GRM5: variants seen among roughly 807,000 people sequenced by gnomAD.
GRM5 encodes the protein metabotropic glutamate receptor 5.
Under a neutral mutation model 83.1 loss-of-function variants are expected in GRM5, and 19 were observed. The ratio of observed to expected loss-of-function variants is 0.23; its 90% CI spans 0.16 to 0.34. The LOEUF is 0.34. Among genes scored for constraint, GRM5 ranks in the 10% least tolerant of loss-of-function variants. The pLI is 1.00. For synonymous variants in GRM5, 675 were observed against 633.6 expected, an observed-to-expected ratio of 1.07 and a Z score of -0.98; for missense variants, 1,160 against 1,588.3, an observed-to-expected ratio of 0.73 and a Z score of 4.58.
intron 3 of GRM5, among the ~76,000 whole-genome samples, chr11:88,715,217 A>G (rs1001217303): frequency 6.6e-6 from 1 of 151,990 alleles, no homozygotes; most frequent in Non-Finnish European, 1.5e-5. Flanking sequence ...AGTATTTGTG[A>G]AAAAGAGTAA....
intron 2 of GRM5, among the ~76,000 whole-genome samples, chr11:88,966,615 C>T (rs1395948257): frequency 1.3e-5 from 2 of 152,034 alleles, no homozygotes; most frequent in African/African-American, 4.8e-5. Context: ...TATACTGTTC[C>T]TACTCTACTG....
intron 2 of GRM5, among the ~76,000 whole-genome samples, chr11:88,941,232 G>A (rs1938078026): frequency 6.6e-6 from 1 of 151,584 alleles, no homozygotes; most frequent in South Asian, 2.1e-4. Flanking sequence ...AAGTCTAATG[G>A]GGACATGTGA....
chr11:88,870,186 T>C (rs1001345365), intron 2 of GRM5, among the ~76,000 whole-genome samples: 13 of 151,402 alleles, frequency 8.6e-5, no homozygotes, highest in African/African-American at 3.1e-4. Context: ...TCATTAGATT[T>C]TTCTGAATCA....
chr11:88,719,948 T>C (rs972437742), intron 3 of GRM5, among the ~76,000 whole-genome samples: 2 of 152,114 alleles, frequency 1.3e-5, no homozygotes, highest in African/African-American at 2.4e-5. Flanking sequence ...AGGTTCCTTA[T>C]AGATACTGGG....
chr11:88,612,283 C>T (rs1027351567), intron 4 of GRM5, among the ~76,000 whole-genome samples: 5 of 150,364 alleles, frequency 3.3e-5, no homozygotes, highest in African/African-American at 1.2e-4. Context: ...CATGTCCCTA[C>T]AAAGGACATG....
At chr11:88,989,581 C>G (rs1279047215) in intron 2 of GRM5, among the ~76,000 whole-genome samples, 1 of 138,378 alleles carries the variant, frequency 7.2e-6, no homozygotes, top group Non-Finnish European at 1.5e-5. Context: ...CCACACCACA[C>G]CTATTCCAAA....
At chr11:88,849,156 TACAC>T (rs967098310) in intron 3 of GRM5, among the ~76,000 whole-genome samples, 1 of 151,832 alleles carries the variant, frequency 6.6e-6, no homozygotes, top group Non-Finnish European at 1.5e-5. Context: ...TATATATATA[TACAC>T]ACACACATAT....
intron 3 of GRM5, among the ~76,000 whole-genome samples, chr11:88,741,484 A>G (rs558845383): frequency 2.2e-4 from 34 of 152,220 alleles, no homozygotes; most frequent in African/African-American, 7.9e-4. Flanking sequence ...CAACTCAAAA[A>G]CTGTAAATAT....
Position 89,065,934 on chromosome 11 carries a change from C to T in GRM5, c.-359G>A, listed in dbSNP as rs577108068. Reference sequence around the variant, plus strand: ...CTGCGGGGCCCGCGGCGGTGGCGCTCGCTCTCTCGCGCCAGCGCCGGGAGC... The same window carrying T: ...CTGCGGGGCCCGCGGCGGTGGCGCTTGCTCTCTCGCGCCAGCGCCGGGAGC... On this transcript the variant is annotated 5_prime_UTR_variant, in exon 1 of 10. Transcript: ENST00000305447. 1 of 152,224 alleles carries T rather than the reference C, an allele frequency of 6.6e-6. No individual in the cohort carries two copies. Among genetic ancestry groups the T allele is most frequent in the South Asian group, 2.1e-4 (1 of 4,826 alleles). The allele number at this position is 152,224 out of a possible 1,614,324, so 9.4% of individuals were successfully genotyped here.
chr11:88,970,626 C>T (rs1051034970), intron 2 of GRM5, among the ~76,000 whole-genome samples: 3 of 152,126 alleles, frequency 2.0e-5, no homozygotes, highest in African/African-American at 7.2e-5. Flanking sequence ...GTAGGCATGC[C>T]CAGTGGGGAC....
At chr11:88,727,777 G>A (rs1941715926) in intron 3 of GRM5, among the ~76,000 whole-genome samples, 1 of 152,184 alleles carries the variant, frequency 6.6e-6, no homozygotes, top group Admixed American at 6.6e-5. Flanking sequence ...GCTCCTGAAT[G>A]ACTACTGAGT....
chr11:88,534,634 T>A (rs1269642400), intron 8 of GRM5, among the ~76,000 whole-genome samples: 1 of 152,200 alleles, frequency 6.6e-6, no homozygotes, highest in Non-Finnish European at 1.5e-5. Context: ...GACTTTGGAC[T>A]GTGCACTTTT....
chr11:88,562,394 C>A (rs777111388), intron 8 of GRM5, among the ~76,000 whole-genome samples: 3 of 152,066 alleles, frequency 2.0e-5, no homozygotes, highest in Non-Finnish European at 4.4e-5. Context: ...AGTCATGAAA[C>A]AATAGGCAAG....
At chr11:88,737,896 T>C (rs1941952760) in intron 3 of GRM5, among the ~76,000 whole-genome samples, 1 of 152,044 alleles carries the variant, frequency 6.6e-6, no homozygotes, top group Non-Finnish European at 1.5e-5. Context: ...TGAGAGCAGT[T>C]ATACAATCCT....
At chr11:88,933,111 C>T (rs1474086478) in intron 2 of GRM5, among the ~76,000 whole-genome samples, 1 of 149,934 alleles carries the variant, frequency 6.7e-6, no homozygotes, top group Non-Finnish European at 1.5e-5. Context: ...ATATTACTTT[C>T]TATCTTTTAA....
chr11:89,055,219 T>A (rs190298949), intron 1 of GRM5, among the ~76,000 whole-genome samples: 1 of 152,230 alleles, frequency 6.6e-6, no homozygotes, highest in Non-Finnish European at 1.5e-5. Context: ...TGAATTGGAA[T>A]CCTGGCACAG....
At chr11:88,728,832 T>C (rs1941741258) in intron 3 of GRM5, among the ~76,000 whole-genome samples, 1 of 152,148 alleles carries the variant, frequency 6.6e-6, no homozygotes, top group African/African-American at 2.4e-5. Flanking sequence ...CACCCCTTCA[T>C]GCTAAAAACT....
At chr11:88,976,971 C>G (rs375743843) in intron 2 of GRM5, among the ~76,000 whole-genome samples, 1 of 151,660 alleles carries the variant, frequency 6.6e-6, no homozygotes, top group East Asian at 1.9e-4. Flanking sequence ...GTAAACTAGT[C>G]AATATTGAGG....
intron 3 of GRM5, among the ~76,000 whole-genome samples, chr11:88,675,571 G>A (rs1940306384): frequency 1.3e-5 from 2 of 151,874 alleles, no homozygotes; most frequent in Admixed American, 1.3e-4. Context: ...ACAACCCGAA[G>A]CTATATATAA....
Sources: gnomAD v4.1 joint callset for allele counts (sites outside exome capture counted in the v4.1 genomes callset) on GRCh38, gnomAD v4.1.1 for gene constraint, MANE v1.5 for transcripts, NCBI Gene and HGNC (gene_info 2026-07-23, HGNC 2026-07-21) for gene names.